The following CCL17 variants were observed in gnomAD, a reference collection of about 807,000 sequenced individuals.
The protein encoded by CCL17 is C-C motif chemokine 17.
In CCL17, 8 loss-of-function variants were observed where a neutral mutation model predicts 7.4. The observed-to-expected ratio is 1.09, with a 90% CI of 0.64 to 1.96. The LOEUF (loss-of-function observed/expected upper bound fraction) is 1.96. Ranked by LOEUF, CCL17 falls within the 30% of genes most tolerant of loss-of-function variation. The pLI is 0.00. For missense variants in CCL17, 102 were observed against 113.0 expected (o/e 0.90, Z 0.44); for synonymous variants, 40 against 46.1 (o/e 0.87, Z 0.54).
At chr16:57,410,855 C>T (rs182640206) in intron 1 of CCL17, among the ~76,000 whole-genome samples, 1 of 152,330 alleles carries the variant, frequency 6.6e-6, no homozygotes, top group South Asian at 2.1e-4. Flanking sequence ...TCAGGTGACA[C>T]TGAAGGTTCA....
intron 1 of CCL17, among the ~76,000 whole-genome samples, chr16:57,406,077 G>T (rs1205887269): frequency 1.3e-5 from 2 of 151,534 alleles, no homozygotes; most frequent in Non-Finnish European, 2.9e-5. Context: ...AGAGGTAAAA[G>T]ATCTGGGGTA....
Position 57,415,748 on chromosome 16 carries a change from G to A in CCL17, c.189-17G>A, listed in dbSNP as rs371234255. The A allele has an allele frequency of 5.8e-6, 9 of 1,562,012 alleles. No homozygotes were observed. Among genetic ancestry groups the A allele is most frequent in the African/African-American group, 2.7e-5 (2 of 74,020 alleles). ...TTCCCCCCCTGCCACTCCTGGTAACGTCCTCCTTCTGTGTAGTTTTGTAAC... is the reference window on the plus strand; with the variant it reads ...TTCCCCCCCTGCCACTCCTGGTAACATCCTCCTTCTGTGTAGTTTTGTAAC... On this transcript the variant is annotated splice_polypyrimidine_tract_variant and intron_variant, in intron 3 of 3. Coordinates refer to ENST00000219244, the MANE Select transcript of CCL17 (RefSeq NM_002987.3). This position sits in a 1 kb window ranked among gnomAD's most constrained non-coding sequence, Gnocchi z 4.5.
At chr16:57,414,134 G>A in intron 2 of CCL17, 132 bp downstream of exon 2, 1 of 603,726 alleles carries the variant, frequency 1.7e-6, no homozygotes, top group South Asian at 2.3e-5. Flanking sequence ...GACGTGAGAA[G>A]CCCACAGCAC....
At chr16:57,403,663 TA>T (rs1406322912), upstream of CCL17, among the ~76,000 whole-genome samples, 11 of 92,266 alleles carry the variant, frequency 1.2e-4, 1 homozygote, top group African/African-American at 5.0e-4. Context: ...TATATATATA[TA>T]TATATTTTTT....
intron 1 of CCL17, among the ~76,000 whole-genome samples, chr16:57,413,070 T>A (rs1410360953): frequency 6.6e-6 from 1 of 152,242 alleles, no homozygotes; most frequent in Non-Finnish European, 1.5e-5. Flanking sequence ...CGTCCAGTAC[T>A]GACTCCGGGA....
intron 1 of CCL17, among the ~76,000 whole-genome samples, chr16:57,406,920 T>C (rs530121330): frequency 6.6e-6 from 1 of 151,956 alleles, no homozygotes; most frequent in Non-Finnish European, 1.5e-5. Flanking sequence ...TGTAAGGCAG[T>C]GGGAGGTTCA....
At chr16:57,401,206 T>C (rs937365590), upstream of CCL17, among the ~76,000 whole-genome samples, 4 of 151,940 alleles carry the variant, frequency 2.6e-5, no homozygotes, top group Admixed American at 6.6e-5. Context: ...TACAAGATGA[T>C]GGTGTCGATA....
rs543596201 is a variant in CCL17, at chr16:57,415,356, C to T, written c.188+158C>T. On this transcript the variant is annotated intron_variant, in intron 3 of 3. Transcript: ENST00000219244. This position sits in a 1 kb window ranked among gnomAD's most constrained non-coding sequence, Gnocchi z 4.5. ...CCCACACTGTGGGACCCAAAAGGGC[C>T]GCAGGCCATGAGGTCCAACCTATTC... 2.0e-5 allele frequency among the ~76,000 whole-genome samples: 3 copies of T among 152,348 alleles called. No homozygotes were observed. The highest frequency in any genetic ancestry group is 3.9e-4 in the East Asian group (2 of 5,186).
intron 1 of CCL17, among the ~76,000 whole-genome samples, chr16:57,407,337 G>C (rs1278996032): frequency 2.0e-5 from 3 of 152,284 alleles, no homozygotes; most frequent in Admixed American, 6.5e-5. Context: ...CCACAAGGAA[G>C]TTGTAAACTA....
At chr16:57,413,835 G>A (rs1902822810) in intron 1 of CCL17, 39 bp from the exon 2 acceptor site, 1 of 994,760 alleles carries the variant, frequency 1.0e-6, no homozygotes, top group Non-Finnish European at 1.5e-6. Flanking sequence ...GACCCCCAAA[G>A]AGGTTAAATA....
In CCL17 at chr16:57,414,013, G is replaced by A. The variant is rs760676095; in HGVS notation, c.70+11G>A. 7 of 1,608,572 alleles carry A rather than the reference G, an allele frequency of 4.4e-6. No homozygotes were observed. In the Admixed American group the frequency reaches 1.0e-4, roughly 23 times the overall value. Reference sequence around the variant, plus strand: ...AGCACATCCACGCAGGTGAGAGCAGGGGACAGGTGGCCAGGGGCAGGCACC... The same window carrying A: ...AGCACATCCACGCAGGTGAGAGCAGAGGACAGGTGGCCAGGGGCAGGCACC... On this transcript the variant is annotated intron_variant, in intron 2 of 3. Coordinates refer to ENST00000219244, the MANE Select transcript of CCL17 (RefSeq NM_002987.3).
upstream of CCL17, among the ~76,000 whole-genome samples, chr16:57,403,340 CTATAATATATATAATATATATAT>C (rs1902624597): frequency 6.8e-5 from 1 of 14,696 alleles, no homozygotes; most frequent in African/African-American, 3.0e-4. Flanking sequence ...ATATTATTAT[CTATAATATATATAATATATATAT>C]TATAATATAT....
intron 1 of CCL17, among the ~76,000 whole-genome samples, chr16:57,407,320 G>T (rs1839241670): frequency 1.3e-5 from 2 of 152,126 alleles, no homozygotes; most frequent in Admixed American, 6.5e-5. Context: ...GCAAAAAATG[G>T]CCACAACCAC....
intron 1 of CCL17, among the ~76,000 whole-genome samples, chr16:57,406,019 G>A (rs1417449252): frequency 6.7e-6 from 1 of 150,230 alleles, no homozygotes. Context: ...TCCAGCCTGG[G>A]CGAAAGAGCA....
At chr16:57,398,525 G>T in the CCL17 span, among the ~76,000 whole-genome samples, 1 of 152,164 alleles carries the variant, frequency 6.6e-6, no homozygotes, top group Non-Finnish European at 1.5e-5. Flanking sequence ...GTATAGAGAG[G>T]CTTGGCCATC....
At chr16:57,404,295 A>G (rs986838080), upstream of CCL17, among the ~76,000 whole-genome samples, 4 of 152,132 alleles carry the variant, frequency 2.6e-5, no homozygotes, top group Admixed American at 2.6e-4. Context: ...TGTAGGGGGC[A>G]AGGATGGAGA....
chr16:57,405,924 C>A (rs1165897798), intron 1 of CCL17, among the ~76,000 whole-genome samples: 5 of 151,310 alleles, frequency 3.3e-5, no homozygotes, highest in Non-Finnish European at 7.4e-5. Context: ...CGCCTGTAGT[C>A]CCAGCTACTT....
At chr16:57,414,696 C>T (rs1902840052) in intron 2 of CCL17, among the ~76,000 whole-genome samples, 1 of 151,766 alleles carries the variant, frequency 6.6e-6, no homozygotes, top group African/African-American at 2.4e-5. Flanking sequence ...GGCGCCCAGA[C>T]TGAAAAAAGA....
intron 1 of CCL17, among the ~76,000 whole-genome samples, chr16:57,409,150 A>G (rs1420514901): frequency 6.6e-6 from 1 of 152,230 alleles, no homozygotes; most frequent in African/African-American, 2.4e-5. Context: ...TACAATATGA[A>G]GACAGCCAAG....
Sources: allele counts gnomAD v4.1 joint callset (sites outside exome capture counted in the v4.1 genomes callset), GRCh38; gene constraint gnomAD v4.1.1; non-coding constraint Gnocchi (gnomAD v3.1); transcripts MANE v1.5; gene names NCBI Gene and HGNC (gene_info 2026-07-23, HGNC 2026-07-21).